The following INPP4B variants were observed in gnomAD, a reference collection of about 807,000 sequenced individuals.
INPP4B encodes inositol polyphosphate 4-phosphatase type II.
Under a neutral mutation model 122.5 loss-of-function variants are expected in INPP4B, and 55 were observed. The ratio of observed to expected loss-of-function variants is 0.45; its 90% confidence interval spans 0.36 to 0.56. INPP4B has a LOEUF of 0.56. Ranked by LOEUF, INPP4B falls within the 20% of genes least tolerant of loss-of-function variation. The probability of loss-of-function intolerance (pLI) is 0.00; values close to 1 mark genes in which losing one functional copy is unlikely to be tolerated. For synonymous variants in INPP4B, 403 were observed against 388.7 expected, an observed-to-expected ratio of 1.04 and a Z score of -0.43; for missense variants, 1,000 against 1,097.7, an observed-to-expected ratio of 0.91 and a Z score of 1.26.
At chr4:142,545,809 A>ATG (rs1450441577) in intron 2 of INPP4B, among the ~76,000 whole-genome samples, 5 of 73,556 alleles carry the variant, frequency 6.8e-5, no homozygotes, top group Non-Finnish European at 1.4e-4. Context: ...ATATATACAC[A>ATG]TATACATGTG....
At chr4:142,205,460 C>G (rs895874863) in intron 14 of INPP4B, among the ~76,000 whole-genome samples, 1 of 152,100 alleles carries the variant, frequency 6.6e-6, no homozygotes, top group Non-Finnish European at 1.5e-5. Flanking sequence ...CTGGCTATTT[C>G]CTTAGTTCAA....
At chr4:142,462,072 T>C (rs1445513123) in intron 3 of INPP4B, among the ~76,000 whole-genome samples, 1 of 152,166 alleles carries the variant, frequency 6.6e-6, no homozygotes, top group African/African-American at 2.4e-5. Context: ...TTTCTTTCTT[T>C]TTTTTCTTCA....
chr4:142,806,843 G>GAAAC (rs1218386208), intron 1 of INPP4B, among the ~76,000 whole-genome samples: 1 of 149,646 alleles, frequency 6.7e-6, no homozygotes, highest in Admixed American at 6.7e-5. Context: ...AAGAAAGAAA[G>GAAAC]AAAGAAAGGA....
At chr4:142,398,182 T>C (rs796373636) in intron 7 of INPP4B, among the ~76,000 whole-genome samples, 82 of 151,308 alleles carry the variant, frequency 5.4e-4, no homozygotes, top group African/African-American at 1.9e-3. Context: ...AAGACCATCC[T>C]GGCTAACACG....
At chr4:142,171,794 C>T (rs1027243116) in intron 16 of INPP4B, among the ~76,000 whole-genome samples, 1 of 151,844 alleles carries the variant, frequency 6.6e-6, no homozygotes, top group African/African-American at 2.4e-5. Context: ...AAAGTTGGAG[C>T]AATGCTGGAT....
At chr4:142,745,754 G>A (rs1217897836) in intron 1 of INPP4B, among the ~76,000 whole-genome samples, 1 of 151,782 alleles carries the variant, frequency 6.6e-6, no homozygotes, top group African/African-American at 2.4e-5. Flanking sequence ...GTATAAACAG[G>A]AATCATAAGA....
At chr4:142,377,990 T>C (rs964828222) in intron 7 of INPP4B, among the ~76,000 whole-genome samples, 3 of 152,136 alleles carry the variant, frequency 2.0e-5, no homozygotes, top group African/African-American at 7.2e-5. Context: ...AAATACACAG[T>C]GTCACTAGGA....
intron 25 of INPP4B, among the ~76,000 whole-genome samples, chr4:142,053,380 T>C (rs1037471632): frequency 2.4e-4 from 36 of 152,010 alleles, no homozygotes; most frequent in Admixed American, 2.0e-4. Flanking sequence ...TGAAGAGAGA[T>C]GGTGGTGAGG....
chr4:142,769,681 G>T (rs1029337086), intron 1 of INPP4B, among the ~76,000 whole-genome samples: 8 of 152,074 alleles, frequency 5.3e-5, no homozygotes, highest in Admixed American at 5.2e-4. Flanking sequence ...TTGGGAGGCT[G>T]AGGCAGATGG....
intron 15 of INPP4B, among the ~76,000 whole-genome samples, chr4:142,192,104 G>A (rs1005890834): frequency 2.0e-5 from 3 of 151,700 alleles, no homozygotes; most frequent in Admixed American, 2.0e-4. Flanking sequence ...ACTAAAGAAT[G>A]ACTATTTTTC....
Position 142,024,996 on chromosome 4 carries a change from C to T in INPP4B, c.*3786G>A, listed in dbSNP as rs1470741979. 1.3e-5 allele frequency: 2 copies of T among 151,912 alleles called. No individual in the cohort carries two copies. Among genetic ancestry groups the T allele is most frequent in the African/African-American group, 4.8e-5 (2 of 41,336 alleles). The allele number at this position is 151,912 out of a possible 1,614,324, so 9.4% of individuals were successfully genotyped here. On this transcript the variant is annotated 3_prime_UTR_variant, in exon 26 of 26. Transcript: ENST00000262992. ...GGTAAAAACCAAAACATTTATATAA[C>T]CAAAATTATAGCCATCTGAAGATAA...
chr4:142,624,310 G>C (rs1359372294), intron 2 of INPP4B, among the ~76,000 whole-genome samples: 1 of 151,536 alleles, frequency 6.6e-6, no homozygotes, highest in African/African-American at 2.4e-5. Context: ...GCATTTCTCT[G>C]ATGGCCAGTG....
chr4:142,680,543 AG>A lies in INPP4B; in HGVS notation c.-191+45295del, dbSNP rs144124923. ...AAAAGATGCAAAATTCTAGAATCAA[AG>A]GGTTCTACTTGACATGAAACAGTTT... On this transcript the variant is annotated intron_variant, in intron 2 of 25. Transcript: ENST00000262992. Among the ~76,000 whole-genome samples the A allele has an allele frequency of 5.5e-4, 84 of 152,038 alleles. 2 individuals carry two copies. The East Asian group carries it at 0.015, about 27-fold the overall frequency.
chr4:142,781,826 A>C (rs1774872285), intron 1 of INPP4B, among the ~76,000 whole-genome samples: 1 of 152,112 alleles, frequency 6.6e-6, no homozygotes, highest in Non-Finnish European at 1.5e-5. Flanking sequence ...TGGACTTTGC[A>C]TAAGAAAATA....
At chr4:142,061,929 T>C (rs1200400582) in intron 25 of INPP4B, among the ~76,000 whole-genome samples, 2 of 51,780 alleles carry the variant, frequency 3.9e-5, no homozygotes, top group South Asian at 6.9e-4. Flanking sequence ...TATATATATA[T>C]ATATATATAT....
chr4:142,270,553 A>T, intron 10 of INPP4B, 110 bp downstream of exon 10: 1 of 736,546 alleles, frequency 1.4e-6, no homozygotes, highest in South Asian at 1.6e-5. Flanking sequence ...TGTCCCATTT[A>T]GGTTTTGATA....
chr4:142,469,246 TTTCCAA>T lies in INPP4B; in HGVS notation c.-190-6526_-190-6521del, dbSNP rs1818371824. 2.6e-5 allele frequency among the ~76,000 whole-genome samples: 4 copies of T among 152,014 alleles called. No homozygotes were observed. In the South Asian group the frequency reaches 8.3e-4, roughly 31 times the overall value. ...TAATAGCAAAAAATAGAAAACAAAA[TTTCCAA>T]AAGAATGCAGCTCCCAATAGCAGCT... On this transcript the variant is annotated intron_variant, in intron 2 of 25. Transcript: ENST00000262992.
intron 1 of INPP4B, among the ~76,000 whole-genome samples, chr4:142,761,591 G>A (rs1201846842): frequency 2.6e-5 from 4 of 152,104 alleles, no homozygotes; most frequent in African/African-American, 9.7e-5. Flanking sequence ...TGTTGTAAGA[G>A]ATTTTTAAAG....
At chr4:142,715,259 C>T (rs76301342) in intron 2 of INPP4B, among the ~76,000 whole-genome samples, 2,420 of 152,274 alleles carry the variant, frequency 0.016, 29 homozygotes, top group Non-Finnish European at 0.024. Flanking sequence ...GATTAAAATG[C>T]TCTATAATGT....
Sources: allele counts gnomAD v4.1 joint callset (sites outside exome capture counted in the v4.1 genomes callset), GRCh38; gene constraint gnomAD v4.1.1; transcripts MANE v1.5; gene names NCBI Gene and HGNC (gene_info 2026-07-23, HGNC 2026-07-21).